The following ZNRF1 variants were observed in gnomAD, a reference collection of about 807,000 sequenced individuals.
ZNRF1 encodes the protein zinc and ring finger 1, also known as E3 ubiquitin-protein ligase ZNRF1.
Under a neutral mutation model 18.4 loss-of-function variants are expected in ZNRF1, and 3 were observed. The ratio of observed to expected loss-of-function variants is 0.16; its 90% CI spans 0.07 to 0.42. The LOEUF (loss-of-function observed/expected upper bound fraction) is 0.42. ZNRF1 is among the 10% of genes least tolerant of loss of function. ZNRF1 has a pLI of 0.99. For synonymous variants in ZNRF1, 157 were observed against 144.2 expected (o/e 1.09, Z -0.64); for missense variants, 310 against 329.8 (o/e 0.94, Z 0.47).
chr16:75,002,253 G>T (rs911836416), intron 1 of ZNRF1: 2 of 152,152 alleles, frequency 1.3e-5, no homozygotes, highest in Non-Finnish European at 2.9e-5. Flanking sequence ...ATGAATCTTC[G>T]TGTGCAGCAT....
At chr16:75,077,548 A>G (rs1383568743) in intron 1 of ZNRF1, among the ~76,000 whole-genome samples, 1 of 152,202 alleles carries the variant, frequency 6.6e-6, no homozygotes, top group Non-Finnish European at 1.5e-5. Context: ...CAAACAAAAA[A>G]AGAGTTGATT....
intron 2 of ZNRF1, among the ~76,000 whole-genome samples, chr16:75,100,777 G>C (rs1048711775): frequency 1.3e-5 from 2 of 152,244 alleles, no homozygotes; most frequent in African/African-American, 2.4e-5. Context: ...ATACGCTCAT[G>C]TCATAGATGA....
At chr16:75,107,567 G>T (rs2036332782) in intron 4 of ZNRF1, 166 bp from the exon 5 acceptor site, 1 of 378,658 alleles carries the variant, frequency 2.6e-6, no homozygotes, top group Non-Finnish European at 5.4e-6. Flanking sequence ...CAGGGGAGTA[G>T]AACCTGCCCA....
intron 1 of ZNRF1, among the ~76,000 whole-genome samples, chr16:75,017,912 T>C (rs1169961634): frequency 1.3e-5 from 2 of 152,194 alleles, no homozygotes; most frequent in African/African-American, 2.4e-5. Flanking sequence ...GGGTAGTAGT[T>C]AAGGTCACAG....
chr16:75,033,346 T>G (rs573946406), intron 1 of ZNRF1, among the ~76,000 whole-genome samples: 10 of 151,550 alleles, frequency 6.6e-5, no homozygotes, highest in Non-Finnish European at 1.2e-4. Context: ...AAAGTTAACA[T>G]CTTAACAATA....
At chr16:75,054,908 A>C (rs1297865981) in intron 1 of ZNRF1, among the ~76,000 whole-genome samples, 2 of 152,174 alleles carry the variant, frequency 1.3e-5, no homozygotes, top group African/African-American at 4.8e-5. Flanking sequence ...AAACAGGAGG[A>C]TCTGACTCTC....
intron 1 of ZNRF1, among the ~76,000 whole-genome samples, chr16:75,076,456 T>C (rs143922553): frequency 3.9e-5 from 6 of 152,208 alleles, no homozygotes; most frequent in African/African-American, 1.4e-4. Context: ...TTTTCTTCTC[T>C]TCCCTAATGG....
chr16:75,021,287 C>T (rs1210281422), intron 1 of ZNRF1, among the ~76,000 whole-genome samples: 3 of 152,198 alleles, frequency 2.0e-5, no homozygotes, highest in Non-Finnish European at 4.4e-5. Flanking sequence ...GATCCATCTG[C>T]CTCGGCCTCC....
intron 3 of ZNRF1, 144 bp from the exon 4 acceptor site, chr16:75,106,338 T>G (rs2036315763): frequency 2.7e-6 from 2 of 750,894 alleles, no homozygotes; most frequent in African/African-American, 1.7e-5. Context: ...TAGGGATATC[T>G]GGGGACATGA....
At position 75,108,721 on chromosome 16, in the gene ZNRF1, GA is replaced by G. The variant is rs2036346081; in HGVS notation, c.*1022del. On this transcript the variant is annotated 3_prime_UTR_variant, in exon 5 of 5. Coordinates refer to ENST00000335325, the MANE Select transcript of ZNRF1 (RefSeq NM_032268.5). ...TGTCTAATAAAAGATGGCACTGCGT[GA>G]TTTTATTTTAATGAAGTGTTATACA... is the stretch of plus-strand genomic sequence containing the variant. The G allele has an allele frequency of 2.5e-6, 1 of 393,688 alleles. No individual in the cohort carries two copies. Among genetic ancestry groups the G allele is most frequent in the African/African-American group, 2.1e-5 (1 of 48,546 alleles). The allele number at this position is 393,688 out of a possible 1,614,324, so 24.4% of individuals were successfully genotyped here.
chr16:75,045,012 GC>G (rs2035497223), intron 1 of ZNRF1, among the ~76,000 whole-genome samples: 1 of 152,164 alleles, frequency 6.6e-6, no homozygotes. Context: ...GTTAGCTGCT[GC>G]CCCTGTCCTT....
intron 1 of ZNRF1, among the ~76,000 whole-genome samples, chr16:75,014,975 A>G (rs1017171452): frequency 1.3e-5 from 2 of 151,866 alleles, no homozygotes; most frequent in Admixed American, 6.6e-5. Flanking sequence ...TCTTTGATTC[A>G]TGTTTATATT....
chr16:75,090,145 A>G (rs895603941), intron 1 of ZNRF1, among the ~76,000 whole-genome samples: 4 of 152,136 alleles, frequency 2.6e-5, no homozygotes, highest in South Asian at 2.1e-4. Context: ...TTTGGGGTTG[A>G]AAAAAACCCC....
Position 75,066,928 on chromosome 16 carries a change from AT to A in ZNRF1, c.425-26643del, listed in dbSNP as rs527892852. On this transcript the variant is annotated intron_variant, in intron 1 of 4. Coordinates refer to ENST00000335325, the MANE Select transcript of ZNRF1 (RefSeq NM_032268.5). ...ATAGCTTAAAACAGTAATAATCATT[AT>A]CTCTCACAGTTTTTGTGAACCAAGC... Among the ~76,000 whole-genome samples, 49 of 152,012 alleles carry A rather than the reference AT, an allele frequency of 3.2e-4. 1 individual carries two copies. Among genetic ancestry groups the A allele is most frequent in the Admixed American group, 6.6e-4 (10 of 15,074 alleles).
At chr16:75,033,469 T>A (rs1461613693) in intron 1 of ZNRF1, among the ~76,000 whole-genome samples, 1 of 146,910 alleles carries the variant, frequency 6.8e-6, no homozygotes, top group Non-Finnish European at 1.5e-5. Flanking sequence ...AGACAGCGTC[T>A]CGCTCTGTCA....
intron 1 of ZNRF1, among the ~76,000 whole-genome samples, chr16:75,081,199 C>T (rs2036007771): frequency 6.6e-6 from 1 of 152,010 alleles, no homozygotes; most frequent in Non-Finnish European, 1.5e-5. Flanking sequence ...ATAAGGACTC[C>T]AGGACTTGGA....
chr16:75,071,211 T>G (rs1030365577), intron 1 of ZNRF1, among the ~76,000 whole-genome samples: 33 of 152,050 alleles, frequency 2.2e-4, no homozygotes, highest in African/African-American at 8.0e-4. Context: ...GTGATTCTTC[T>G]GCCTCAGCCT....
chr16:75,007,224 A>G (rs2034932231), intron 1 of ZNRF1, among the ~76,000 whole-genome samples: 1 of 151,340 alleles, frequency 6.6e-6, no homozygotes, highest in Non-Finnish European at 1.5e-5. Context: ...CGCCTGGCTA[A>G]TTTTTAATTT....
rs1466667337 is a variant in ZNRF1, at chr16:74,999,441, C to G, written c.-231C>G. ...TCTTTGGACCTTGAGGGGAAACATG[C>G]GTTTGCCTTGGATCGTTTGAAATTC... On this transcript the variant is annotated 5_prime_UTR_variant, in exon 1 of 5. Transcript: ENST00000335325. 2 of 382,736 alleles carry G rather than the reference C, an allele frequency of 5.2e-6. No homozygotes were observed. The highest frequency in any genetic ancestry group is 2.1e-5 in the African/African-American group (1 of 48,104). The allele number at this position is 382,736 out of a possible 1,614,324, so 23.7% of individuals were successfully genotyped here. A position where few individuals can be genotyped will look rare whatever the true frequency, so the allele number is the denominator to read the frequency against.
Sources: allele counts gnomAD v4.1 joint callset (sites outside exome capture counted in the v4.1 genomes callset), GRCh38; gene constraint gnomAD v4.1.1; transcripts MANE v1.5; gene names NCBI Gene and HGNC (gene_info 2026-07-23, HGNC 2026-07-21).